The following DGKB variants were observed in gnomAD, a reference collection of about 807,000 sequenced individuals.
The protein encoded by DGKB is diacylglycerol kinase beta, also known as 90 kDa diacylglycerol kinase.
A neutral mutation model predicts 114.3 loss-of-function variants in DGKB; 67 were observed. That is an observed-to-expected ratio of 0.59 (90% CI 0.48 to 0.72). The LOEUF (loss-of-function observed/expected upper bound fraction) is 0.72. Ranked by LOEUF, DGKB falls within the 30% of genes least tolerant of loss-of-function variation. The pLI is 0.00. For synonymous variants in DGKB, 398 were observed against 323.1 expected (o/e 1.23, Z -2.49); for missense variants, 907 against 975.2 (o/e 0.93, Z 0.93).
rs1356823845 is a variant in DGKB at position 14,649,063 on chromosome 7, A to T, written c.1135-18795T>A. 7.6e-5 allele frequency among the ~76,000 whole-genome samples: 5 copies of T among 66,202 alleles called. 2 individuals are homozygous for T. Among genetic ancestry groups the T allele is most frequent in the Non-Finnish European group, 1.5e-4 (5 of 32,978 alleles). 43.4% of individuals were successfully genotyped at this position (66,202 alleles called of 152,430 possible). A position where few individuals can be genotyped will look rare whatever the true frequency, so the allele number is the denominator to read the frequency against. On this transcript the variant is annotated intron_variant, in intron 13 of 25. Coordinates refer to ENST00000402815, the MANE Select transcript of DGKB (RefSeq NM_001350709.2). The stretch of plus-strand genomic sequence containing the variant: ...TGGGGAGAATGGAACCAAGTTGGAA[A>T]ACATGCTGCAGGATATTATCCAGGA...
chr7:14,753,257 A>T (rs561646241), intron 4 of DGKB, among the ~76,000 whole-genome samples: 1 of 152,186 alleles, frequency 6.6e-6, no homozygotes, highest in Non-Finnish European at 1.5e-5. Context: ...TTTAGCAAGA[A>T]ATATTTCTAC....
intron 21 of DGKB, among the ~76,000 whole-genome samples, chr7:14,468,516 A>T (rs1780811856): frequency 6.6e-6 from 1 of 151,686 alleles, no homozygotes; most frequent in East Asian, 1.9e-4. Flanking sequence ...CTAAATTGAT[A>T]GTTTACTTAT....
At chr7:14,737,069 G>C (rs990005735) in intron 4 of DGKB, among the ~76,000 whole-genome samples, 3 of 152,124 alleles carry the variant, frequency 2.0e-5, no homozygotes, top group Non-Finnish European at 4.4e-5. Flanking sequence ...AAAACTCCTC[G>C]TTTTGGACTG....
rs1807079145 is a variant in DGKB, at chr7:14,618,926, A to C, written c.1284+2452T>G. Among the ~76,000 whole-genome samples, 2 of 151,464 alleles carry C rather than the reference A, an allele frequency of 1.3e-5. 1 individual carries two copies. The highest frequency in any genetic ancestry group is 4.1e-4 in the South Asian group (2 of 4,830). On this transcript the variant is annotated intron_variant, in intron 15 of 25. Transcript: ENST00000402815. ...ATGGAAAAAATTAACTTTATGGTAG[A>C]TCTTTTTACCTTTCTTGATAATAAA...
At chr7:14,828,759 CAA>C (rs1846034000) in intron 2 of DGKB, among the ~76,000 whole-genome samples, 1 of 152,116 alleles carries the variant, frequency 6.6e-6, no homozygotes. Flanking sequence ...AAATTCTGGA[CAA>C]AGACTCTCAA....
intron 23 of DGKB, among the ~76,000 whole-genome samples, chr7:14,186,253 CAT>C (rs1340139900): frequency 6.6e-6 from 1 of 152,086 alleles, no homozygotes; most frequent in Non-Finnish European, 1.5e-5. Flanking sequence ...GGCCAACAAA[CAT>C]ATGAAAAATG....
intron 1 of DGKB, among the ~76,000 whole-genome samples, chr7:14,929,873 T>C (rs1784918270): frequency 1.3e-5 from 2 of 152,202 alleles, no homozygotes; most frequent in Admixed American, 1.3e-4. Flanking sequence ...TTTAAGTCTT[T>C]AATCCATTTT....
intron 1 of DGKB, 87 bp from the exon 2 acceptor site, chr7:14,841,537 T>A: frequency 3.2e-6 from 1 of 308,810 alleles, no homozygotes; most frequent in East Asian, 5.4e-5. Flanking sequence ...TGTTAAATAC[T>A]TTTTAAATCA....
intron 23 of DGKB, among the ~76,000 whole-genome samples, chr7:14,246,980 C>T (rs576013527): frequency 6.6e-6 from 1 of 152,224 alleles, no homozygotes; most frequent in South Asian, 2.1e-4. Context: ...ACATAATATC[C>T]TAATTTCCCC....
intron 21 of DGKB, among the ~76,000 whole-genome samples, chr7:14,418,137 T>TA (rs1825997049): frequency 6.9e-6 from 1 of 145,570 alleles, no homozygotes; most frequent in African/African-American, 2.5e-5. Flanking sequence ...AAAATATATA[T>TA]TTTATATATA....
intron 23 of DGKB, among the ~76,000 whole-genome samples, chr7:14,271,077 G>A (rs6955426): frequency 0.19 from 29,581 of 152,062 alleles, 3,390 homozygotes; most frequent in African/African-American, 0.31. Flanking sequence ...AGAAATACAA[G>A]CTGTCTTATG....
chr7:14,531,703 G>T, intron 20 of DGKB, among the ~76,000 whole-genome samples: 1 of 151,022 alleles, frequency 6.6e-6, no homozygotes. Flanking sequence ...TCTATGTGGA[G>T]AGAAAGAACC....
chr7:14,684,851 T>A (rs1203811566), intron 10 of DGKB, among the ~76,000 whole-genome samples: 1 of 151,936 alleles, frequency 6.6e-6, no homozygotes, highest in Non-Finnish European at 1.5e-5. Flanking sequence ...CCCAAAGGAA[T>A]CAACTCATTA....
chr7:14,282,752 A>G (rs1385527414), intron 23 of DGKB, among the ~76,000 whole-genome samples: 3 of 152,140 alleles, frequency 2.0e-5, no homozygotes, highest in Admixed American at 6.6e-5. Context: ...ACAGAGCCAA[A>G]GACAAAAACC....
chr7:14,888,946 G>T (rs1365757411), intron 1 of DGKB, among the ~76,000 whole-genome samples: 1 of 151,412 alleles, frequency 6.6e-6, no homozygotes, highest in African/African-American at 2.4e-5. Context: ...CTTGCATCTG[G>T]GTGTTTGACT....
chr7:14,668,384 T>TAAAATCTCTCTATTGGGATTTGGAG (rs1818403708), intron 13 of DGKB, among the ~76,000 whole-genome samples: 1 of 152,206 alleles, frequency 6.6e-6, no homozygotes, highest in South Asian at 2.1e-4. Context: ...ATACAACAGA[T>TAAAATCTCTCTATTGGGATTTGGAG]AAAATCTCTC....
intron 5 of DGKB, among the ~76,000 whole-genome samples, chr7:14,722,324 T>G (rs1829308665): frequency 6.6e-6 from 1 of 152,192 alleles, no homozygotes; most frequent in Non-Finnish European, 1.5e-5. Flanking sequence ...TTTCCCATAG[T>G]GTCATAGAGC....
chr7:14,434,308 A>G lies in DGKB; in HGVS notation c.1835+43853T>C, dbSNP rs998566496. Among the ~76,000 whole-genome samples, 6 of 152,210 alleles carry G rather than the reference A, an allele frequency of 3.9e-5. No individual in the cohort carries two copies. In the South Asian group the frequency reaches 8.3e-4, roughly 21 times the overall value. ...CTACAACCTATAAATATGTTTCCCTATATAGTAAAGTGGGCTTTGAAGATG... is the reference window on the plus strand; with the variant it reads ...CTACAACCTATAAATATGTTTCCCTGTATAGTAAAGTGGGCTTTGAAGATG... On this transcript the variant is annotated intron_variant, in intron 21 of 25. Transcript: ENST00000402815.
chr7:14,427,244 A>G (rs1827720635), intron 21 of DGKB, among the ~76,000 whole-genome samples: 1 of 152,080 alleles, frequency 6.6e-6, no homozygotes, highest in African/African-American at 2.4e-5. Context: ...GCAAAATGCC[A>G]CCAGTCATTT....
Sources: allele counts gnomAD v4.1 joint callset (sites outside exome capture counted in the v4.1 genomes callset), GRCh38; gene constraint gnomAD v4.1.1; transcripts MANE v1.5; gene names NCBI Gene and HGNC (gene_info 2026-07-23, HGNC 2026-07-21).